Variants in AKAP6 observed in about 807,000 individuals in gnomAD.
AKAP6 encodes A-kinase anchor protein 6.
In AKAP6, 58 loss-of-function variants were observed where a neutral mutation model predicts 188.5. That is an observed-to-expected ratio of 0.31 (90% CI 0.25 to 0.38). AKAP6 has a LOEUF of 0.38. AKAP6 is among the 10% of genes least tolerant of loss of function. The pLI is 1.00. For synonymous variants in AKAP6, 989 were observed against 998.6 expected, an observed-to-expected ratio of 0.99 and a Z score of 0.18; for missense variants, 2,710 against 2,740.0, an observed-to-expected ratio of 0.99 and a Z score of 0.24.
At chr14:32,778,186 T>A (rs532811783) in intron 12 of AKAP6, among the ~76,000 whole-genome samples, 1 of 152,190 alleles carries the variant, frequency 6.6e-6, no homozygotes, top group Non-Finnish European at 1.5e-5. Flanking sequence ...CAAGAAATGT[T>A]AAAGGCAGTC....
At chr14:32,731,130 C>T (rs1043459725) in intron 9 of AKAP6, among the ~76,000 whole-genome samples, 4 of 152,132 alleles carry the variant, frequency 2.6e-5, no homozygotes, top group African/African-American at 9.7e-5. Context: ...ACATTTTGTT[C>T]TGTGATCCAC....
intron 7 of AKAP6, among the ~76,000 whole-genome samples, chr14:32,676,049 A>G (rs12884467): frequency 0.22 from 34,087 of 152,084 alleles, 4,678 homozygotes; most frequent in East Asian, 0.58. Flanking sequence ...TAGGATGGCT[A>G]AAAACTAACA....
chr14:32,739,067 TA>T (rs1263760955), intron 11 of AKAP6, among the ~76,000 whole-genome samples: 2 of 152,102 alleles, frequency 1.3e-5, no homozygotes, highest in African/African-American at 4.8e-5. Flanking sequence ...ACAATTGCAT[TA>T]GGGGGACAAA....
intron 1 of AKAP6, among the ~76,000 whole-genome samples, chr14:32,379,163 C>T (rs1048178082): frequency 6.6e-5 from 10 of 152,018 alleles, no homozygotes; most frequent in South Asian, 4.1e-4. Context: ...TCAGGTGATC[C>T]GCCCCCTTGG....
intron 2 of AKAP6, among the ~76,000 whole-genome samples, chr14:32,445,017 A>G (rs1890713033): frequency 6.6e-6 from 1 of 152,216 alleles, no homozygotes; most frequent in Non-Finnish European, 1.5e-5. Flanking sequence ...ACTAGGAATA[A>G]AATGCTGTTT....
intron 7 of AKAP6, among the ~76,000 whole-genome samples, chr14:32,650,126 T>C (rs1443514261): frequency 2.0e-5 from 3 of 152,192 alleles, no homozygotes; most frequent in Non-Finnish European, 2.9e-5. Context: ...ATAACTTGTT[T>C]TGGGTTCTAG....
intron 6 of AKAP6, 37 bp downstream of exon 6, chr14:32,599,543 C>G: frequency 6.6e-7 from 1 of 1,514,448 alleles, no homozygotes; most frequent in African/African-American, 1.4e-5. Context: ...CTTTACGTCT[C>G]CAGACTATTA....
chr14:32,727,731 G>A (rs1566670460), intron 9 of AKAP6, among the ~76,000 whole-genome samples: 2 of 152,104 alleles, frequency 1.3e-5, no homozygotes, highest in Non-Finnish European at 1.5e-5. Context: ...TCCCAATCAG[G>A]AAAACCTATT....
intron 4 of AKAP6, among the ~76,000 whole-genome samples, chr14:32,569,973 T>G (rs1176739291): frequency 4.6e-5 from 7 of 152,040 alleles, no homozygotes; most frequent in African/African-American, 1.7e-4. Context: ...ACTGGTCGGG[T>G]AGCTGGGTGG....
intron 7 of AKAP6, among the ~76,000 whole-genome samples, chr14:32,617,451 T>C (rs959397670): frequency 6.6e-6 from 1 of 152,224 alleles, no homozygotes; most frequent in African/African-American, 2.4e-5. Context: ...GTATTAAAGA[T>C]ATTCCTCAAG....
intron 2 of AKAP6, among the ~76,000 whole-genome samples, chr14:32,492,821 A>C (rs1376488431): frequency 6.6e-6 from 1 of 152,182 alleles, no homozygotes; most frequent in Non-Finnish European, 1.5e-5. Context: ...CTATTAGAAA[A>C]TATGCCTTTT....
chr14:32,481,000 A>C (rs954625040), intron 2 of AKAP6, among the ~76,000 whole-genome samples: 3 of 152,346 alleles, frequency 2.0e-5, no homozygotes, highest in South Asian at 4.1e-4. Context: ...TGTTCTGTAG[A>C]GATAACTCCT....
intron 7 of AKAP6, among the ~76,000 whole-genome samples, chr14:32,656,179 C>T (rs943984985): frequency 1.7e-4 from 26 of 151,866 alleles, no homozygotes; most frequent in African/African-American, 4.4e-4. Context: ...ATATTTATAG[C>T]GTGTATGACT....
At chr14:32,788,472 A>G (rs2033499212) in intron 12 of AKAP6, among the ~76,000 whole-genome samples, 1 of 152,234 alleles carries the variant, frequency 6.6e-6, no homozygotes, top group African/African-American at 2.4e-5. Flanking sequence ...AGGATCTCAC[A>G]TTGAAACTAA....
chr14:32,723,477 C>G (rs2030663627), intron 9 of AKAP6, among the ~76,000 whole-genome samples: 2 of 151,736 alleles, frequency 1.3e-5, no homozygotes, highest in South Asian at 4.2e-4. Context: ...ATAGTTTGAT[C>G]TGTGTAGTGT....
At chr14:32,692,341 A>G (rs1425869989) in intron 8 of AKAP6, among the ~76,000 whole-genome samples, 1 of 152,082 alleles carries the variant, frequency 6.6e-6, no homozygotes, top group Admixed American at 6.5e-5. Context: ...ACATTTTATT[A>G]TTTTATATAT....
intron 1 of AKAP6, chr14:32,403,247 T>C (rs1889160529): frequency 6.6e-6 from 1 of 152,206 alleles, no homozygotes; most frequent in Non-Finnish European, 1.5e-5. Flanking sequence ...ATGAGGGGAA[T>C]TACTGAACTA....
At chr14:32,691,975 GA>G (rs1162070371) in intron 8 of AKAP6, among the ~76,000 whole-genome samples, 5 of 152,138 alleles carry the variant, frequency 3.3e-5, no homozygotes, top group Admixed American at 1.3e-4. Flanking sequence ...ATACTTTTAA[GA>G]AAAAAGTTTT....
chr14:32,434,580 A>T (rs1034136001), intron 2 of AKAP6, among the ~76,000 whole-genome samples: 1 of 152,244 alleles, frequency 6.6e-6, no homozygotes, highest in Non-Finnish European at 1.5e-5. Context: ...TTTATAACCA[A>T]TCAGGGCACT....
Sources: gnomAD v4.1 joint callset for allele counts (sites outside exome capture counted in the v4.1 genomes callset) on GRCh38, gnomAD v4.1.1 for gene constraint, MANE v1.5 for transcripts, NCBI Gene and HGNC (gene_info 2026-07-23, HGNC 2026-07-21) for gene names.